Variants in CDK14 observed in about 807,000 individuals in gnomAD.
The protein encoded by CDK14 is cyclin-dependent kinase 14.
In CDK14, 34 loss-of-function variants were observed where a neutral mutation model predicts 60.7. That is an observed-to-expected ratio of 0.56 (90% confidence interval 0.43 to 0.75). CDK14 has a LOEUF of 0.75. Ranked by LOEUF, CDK14 falls within the 30% of genes least tolerant of loss-of-function variation. The probability of loss-of-function intolerance (pLI) is 0.00; values close to 1 mark genes in which losing one functional copy is unlikely to be tolerated. For synonymous variants in CDK14, 197 were observed against 203.7 expected, an observed-to-expected ratio of 0.97 and a Z score of 0.28; for missense variants, 482 against 564.1, an observed-to-expected ratio of 0.85 and a Z score of 1.47.
chr7:90,815,441 G>A (rs1789308502), intron 5 of CDK14, among the ~76,000 whole-genome samples: 1 of 152,184 alleles, frequency 6.6e-6, no homozygotes, highest in South Asian at 2.1e-4. Flanking sequence ...AGGCTGTGGA[G>A]AAATAGGAAC....
chr7:91,167,454 A>G (rs141836638), intron 14 of CDK14, among the ~76,000 whole-genome samples: 198 of 152,334 alleles, frequency 1.3e-3, no homozygotes, highest in African/African-American at 4.6e-3. Flanking sequence ...TCTCCTGGAA[A>G]GTGCTTTGGA....
intron 2 of CDK14, among the ~76,000 whole-genome samples, chr7:90,670,978 G>A (rs534954013): frequency 6.6e-5 from 10 of 152,220 alleles, no homozygotes; most frequent in African/African-American, 2.4e-4. Flanking sequence ...GGGCTTTACA[G>A]TAAAATTGCT....
chr7:91,146,256 A>C (rs1208364618), intron 14 of CDK14, among the ~76,000 whole-genome samples: 5 of 152,220 alleles, frequency 3.3e-5, no homozygotes, highest in Admixed American at 6.5e-5. Flanking sequence ...GCTGGAGTGC[A>C]ATAGCGCAAT....
intron 10 of CDK14, among the ~76,000 whole-genome samples, chr7:90,989,260 A>G (rs1234785940): frequency 1.3e-5 from 2 of 152,136 alleles, no homozygotes; most frequent in African/African-American, 2.4e-5. Context: ...TGTAAGGGAA[A>G]GCTGATATCA....
intron 13 of CDK14, among the ~76,000 whole-genome samples, chr7:91,114,635 T>C (rs923649878): frequency 3.3e-5 from 5 of 152,124 alleles, no homozygotes; most frequent in Admixed American, 1.3e-4. Context: ...TGAAACCTTT[T>C]GAAGGGGGGA....
intron 5 of CDK14, among the ~76,000 whole-genome samples, chr7:90,861,976 A>G (rs904741718): frequency 1.3e-5 from 2 of 152,218 alleles, no homozygotes; most frequent in Non-Finnish European, 2.9e-5. Context: ...ATTTGAATTC[A>G]TGCTTTTTGG....
At chr7:91,020,519 A>G (rs1308831121) in intron 10 of CDK14, among the ~76,000 whole-genome samples, 1 of 152,170 alleles carries the variant, frequency 6.6e-6, no homozygotes, top group Non-Finnish European at 1.5e-5. Flanking sequence ...TGAGTATATA[A>G]TATGTCAGAG....
intron 2 of CDK14, among the ~76,000 whole-genome samples, chr7:90,659,904 C>T (rs984512314): frequency 4.9e-5 from 7 of 143,036 alleles, no homozygotes; most frequent in Non-Finnish European, 9.1e-5. Flanking sequence ...TGTGTGTGCA[C>T]GCACGTGCTC....
chr7:91,096,525 G>C (rs1798997565), intron 12 of CDK14, among the ~76,000 whole-genome samples: 1 of 151,722 alleles, frequency 6.6e-6, no homozygotes, highest in Non-Finnish European at 1.5e-5. Context: ...CCAGATTCCT[G>C]ATCCTTGGAA....
chr7:91,105,299 C>G (rs2116327692), intron 12 of CDK14, among the ~76,000 whole-genome samples: 1 of 152,332 alleles, frequency 6.6e-6, no homozygotes, highest in African/African-American at 2.4e-5. Flanking sequence ...AGATTCTCCA[C>G]ACAGAGTGGG....
intron 2 of CDK14, among the ~76,000 whole-genome samples, chr7:90,655,406 TA>T (rs1031312547): frequency 1.0e-4 from 15 of 148,706 alleles, no homozygotes; most frequent in Admixed American, 5.4e-4. Flanking sequence ...TCTATCGGTT[TA>T]AAAAAAAAAC....
In CDK14 at chr7:91,037,033, G is replaced by A. The variant is rs570215110; in HGVS notation, c.1042-8864G>A. ...CCTAATCTCTTTTGACTTCTAGTAG[G>A]TGATCTTATAGAAGTTTTTATTCAG... On this transcript the variant is annotated intron_variant, in intron 10 of 14. Transcript: ENST00000380050. Among the ~76,000 whole-genome samples, 18 of 152,314 alleles carry A rather than the reference G, an allele frequency of 1.2e-4. No homozygotes were observed. In the South Asian group the frequency reaches 3.5e-3, roughly 30 times the overall value.
intron 14 of CDK14, among the ~76,000 whole-genome samples, chr7:91,133,490 GTAAAT>G (rs1334436877): frequency 2.0e-5 from 3 of 152,030 alleles, no homozygotes; most frequent in South Asian, 2.1e-4. Flanking sequence ...AAATAAATAA[GTAAAT>G]TAAAGTTTAC....
chr7:90,640,440 TATG>T (rs1173398289), intron 2 of CDK14, among the ~76,000 whole-genome samples: 1 of 152,064 alleles, frequency 6.6e-6, no homozygotes, highest in Non-Finnish European at 1.5e-5. Context: ...TGCAGAGAAA[TATG>T]ATGGAGTATT....
intron 2 of CDK14, among the ~76,000 whole-genome samples, chr7:90,629,460 A>G (rs902403831): frequency 3.3e-5 from 5 of 152,068 alleles, no homozygotes; most frequent in Non-Finnish European, 5.9e-5. Context: ...TCCCTAGTCA[A>G]TACTTTTAGG....
chr7:91,154,439 C>T (rs1800921174), intron 14 of CDK14, among the ~76,000 whole-genome samples: 1 of 152,028 alleles, frequency 6.6e-6, no homozygotes, highest in Admixed American at 6.6e-5. Flanking sequence ...TTAAGATACA[C>T]TTTCAGAAAT....
chr7:90,849,308 G>A (rs1037974335), intron 5 of CDK14, among the ~76,000 whole-genome samples: 14 of 151,242 alleles, frequency 9.3e-5, no homozygotes, highest in African/African-American at 3.4e-4. Flanking sequence ...ATCTTCCTGA[G>A]GCCTCACAAG....
chr7:91,018,899 G>A (rs1796368773), intron 10 of CDK14, among the ~76,000 whole-genome samples: 1 of 152,156 alleles, frequency 6.6e-6, no homozygotes, highest in Admixed American at 6.5e-5. Flanking sequence ...CTTTATAGCA[G>A]TGTGAGAATG....
intron 9 of CDK14, among the ~76,000 whole-genome samples, chr7:90,962,995 A>G (rs1794645023): frequency 6.6e-6 from 1 of 151,964 alleles, no homozygotes; most frequent in Non-Finnish European, 1.5e-5. Context: ...GATATATAAA[A>G]GCTGCTCTAT....
Sources: allele counts gnomAD v4.1 joint callset (sites outside exome capture counted in the v4.1 genomes callset), GRCh38; gene constraint gnomAD v4.1.1; transcripts MANE v1.5; gene names NCBI Gene and HGNC (gene_info 2026-07-23, HGNC 2026-07-21).